AFF3: variants seen among roughly 807,000 people sequenced by gnomAD.
The protein encoded by AFF3 is AF4/FMR2 family member 3.
A neutral mutation model predicts 129.7 loss-of-function variants in AFF3; 32 were observed. That is an observed-to-expected ratio of 0.25 (90% CI 0.19 to 0.33). AFF3 has a LOEUF of 0.33. Ranked by LOEUF, AFF3 falls within the 10% of genes least tolerant of loss-of-function variation. AFF3 has a pLI of 1.00. For missense variants in AFF3, 1,373 were observed against 1,592.0 expected, an observed-to-expected ratio of 0.86 and a Z score of 2.34; for synonymous variants, 644 against 635.4, an observed-to-expected ratio of 1.01 and a Z score of -0.20.
At chr2:99,896,620 CTTTTTTTTTTTTT>C (rs35573862) in intron 7 of AFF3, among the ~76,000 whole-genome samples, 398 of 36,064 alleles carry the variant, frequency 0.011, 3 homozygotes, top group Non-Finnish European at 0.016. Context: ...TGTCAAAATG[CTTTTTTTTTTTTT>C]TTTTTTTTTT....
intron 4 of AFF3, among the ~76,000 whole-genome samples, chr2:100,029,297 G>C (rs1239897136): frequency 6.6e-6 from 1 of 152,166 alleles, no homozygotes; most frequent in East Asian, 1.9e-4. Context: ...GACAGACATA[G>C]AGGGGCAACA....
chr2:100,006,768 T>A lies in AFF3; in HGVS notation c.737A>T (p.Asp246Val). The change falls in exon 7 of 25, where the codon GAT becomes GTT. Residue 246 changes from aspartate to valine, a missense_variant. By Grantham distance (152) the Asp-to-Val change is radical. Around this residue, in one of 9 missense-constraint regions of AFF3, gnomAD observed 413 missense variants for 424.4 expected, o/e 0.97. Coordinates refer to ENST00000672756, the MANE Select transcript of AFF3 (RefSeq NM_001386135.1). ...RPMDGQDQAP[D>V]ESPKLKSSSE... Reference sequence around the variant, plus strand: ...AGACGACTTCAGCTTAGGAGACTCATCAGGGGCCTGATCTTGGCCGTCCAT... The same window carrying A: ...AGACGACTTCAGCTTAGGAGACTCAACAGGGGCCTGATCTTGGCCGTCCAT... 1 of 1,614,212 alleles carries A rather than the reference T, an allele frequency of 6.2e-7. No individual in the cohort carries two copies. Among genetic ancestry groups the A allele is most frequent in the Non-Finnish European group, 8.5e-7 (1 of 1,180,048 alleles).
chr2:99,814,354 T>C (rs1166364133), intron 8 of AFF3, among the ~76,000 whole-genome samples: 1 of 151,790 alleles, frequency 6.6e-6, no homozygotes, highest in Non-Finnish European at 1.5e-5. Flanking sequence ...GCCTGAGATA[T>C]AGCACAGAAG....
At chr2:99,876,838 C>T (rs1265771034) in intron 7 of AFF3, among the ~76,000 whole-genome samples, 1 of 152,160 alleles carries the variant, frequency 6.6e-6, no homozygotes, top group Non-Finnish European at 1.5e-5. Flanking sequence ...GTCCTCTGCA[C>T]ATGCTGTTTC....
At chr2:99,711,836 G>C (rs780360833) in intron 11 of AFF3, among the ~76,000 whole-genome samples, 1 of 152,156 alleles carries the variant, frequency 6.6e-6, no homozygotes, top group Non-Finnish European at 1.5e-5. Flanking sequence ...GTCTGTTAAT[G>C]TCAGGCAATA....
At chr2:99,858,565 AGCC>A (rs1366537257) in intron 7 of AFF3, among the ~76,000 whole-genome samples, 1 of 152,062 alleles carries the variant, frequency 6.6e-6, no homozygotes, top group Non-Finnish European at 1.5e-5. Flanking sequence ...AAAAAAATGC[AGCC>A]ACAAAAAAGA....
intron 4 of AFF3, among the ~76,000 whole-genome samples, chr2:100,050,835 G>C (rs1686261565): frequency 6.6e-6 from 1 of 152,170 alleles, no homozygotes; most frequent in South Asian, 2.1e-4. Context: ...TTCCATGCAG[G>C]AGCTGATGCT....
chr2:100,124,491 C>A (rs1204031197), intron 2 of AFF3, among the ~76,000 whole-genome samples: 1 of 152,082 alleles, frequency 6.6e-6, no homozygotes, highest in Non-Finnish European at 1.5e-5. Context: ...TTTATACATC[C>A]TTTTTTAAAG....
chr2:99,582,294 C>T (rs550111616), intron 17 of AFF3, among the ~76,000 whole-genome samples: 1 of 152,254 alleles, frequency 6.6e-6, no homozygotes, highest in South Asian at 2.1e-4. Flanking sequence ...AACCCAAGTC[C>T]CCTGCTCTTC....
chr2:99,672,916 A>C (rs946241120), intron 11 of AFF3, among the ~76,000 whole-genome samples: 1 of 152,212 alleles, frequency 6.6e-6, no homozygotes, highest in Non-Finnish European at 1.5e-5. Context: ...AAGAATTGGA[A>C]TGTTCCCAAC....
chr2:99,705,735 A>G (rs923805006), intron 11 of AFF3, among the ~76,000 whole-genome samples: 1 of 151,892 alleles, frequency 6.6e-6, no homozygotes, highest in Non-Finnish European at 1.5e-5. Flanking sequence ...TTAGCAGGGC[A>G]TGGTGACGGG....
In AFF3 at chr2:99,790,426, G is replaced by A. The variant is rs558232515; in HGVS notation, c.922-38125C>T. 2.8e-4 allele frequency among the ~76,000 whole-genome samples: 43 copies of A among 152,334 alleles called. 1 individual carries two copies. In the South Asian group the frequency reaches 8.7e-3, roughly 31 times the overall value. On this transcript the variant is annotated intron_variant, in intron 8 of 24. Transcript: ENST00000672756. ...CACTACAGAGAACCTCCTAGTGAAT[G>A]AATGAAAGATCTAAGATTTTCTTCT...
chr2:99,582,151 G>A (rs1374517711), intron 17 of AFF3, among the ~76,000 whole-genome samples: 3 of 152,124 alleles, frequency 2.0e-5, no homozygotes, highest in East Asian at 1.9e-4. Flanking sequence ...CACCACGCCC[G>A]GTCGGGGTCT....
chr2:100,016,820 G>A (rs1413433029), intron 4 of AFF3, among the ~76,000 whole-genome samples: 6 of 150,846 alleles, frequency 4.0e-5, no homozygotes, highest in Admixed American at 4.0e-4. Flanking sequence ...TGCTGATGGT[G>A]GTGGTGGTGA....
At chr2:99,665,258 G>A (rs927449695) in intron 12 of AFF3, among the ~76,000 whole-genome samples, 1 of 152,230 alleles carries the variant, frequency 6.6e-6, no homozygotes, top group African/African-American at 2.4e-5. Context: ...AGATCACTGT[G>A]GGGAGGCTGT....
At chr2:99,906,124 T>C (rs745385642) in intron 7 of AFF3, among the ~76,000 whole-genome samples, 4 of 152,232 alleles carry the variant, frequency 2.6e-5, no homozygotes, top group Non-Finnish European at 4.4e-5. Context: ...CCATTCTAAA[T>C]AATGCGAAGA....
chr2:99,587,356 G>C, intron 15 of AFF3, 78 bp from the exon 16 acceptor site: 1 of 1,553,186 alleles, frequency 6.4e-7, no homozygotes. Context: ...GACTTCCACA[G>C]AGCAAGGCCT....
intron 7 of AFF3, among the ~76,000 whole-genome samples, chr2:99,964,032 T>C (rs1348201989): frequency 6.6e-6 from 1 of 151,994 alleles, no homozygotes; most frequent in East Asian, 1.9e-4. Context: ...CAAAGAAGAA[T>C]GTGACATGAT....
chr2:100,104,197 C>G (rs1052693334), intron 4 of AFF3, among the ~76,000 whole-genome samples: 1 of 152,012 alleles, frequency 6.6e-6, no homozygotes, highest in Admixed American at 6.5e-5. Context: ...GGGAGGGGAA[C>G]AGGAGAGGGG....
Sources: allele counts gnomAD v4.1 joint callset (sites outside exome capture counted in the v4.1 genomes callset), GRCh38; gene constraint gnomAD v4.1.1; regional missense constraint gnomAD v4.1.1; transcripts MANE v1.5; gene names NCBI Gene and HGNC (gene_info 2026-07-23, HGNC 2026-07-21).